The following EP400 variants were observed in gnomAD, a reference collection of about 807,000 sequenced individuals.
The protein encoded by EP400 is E1A binding protein p400.
In EP400, 105 loss-of-function variants were observed where a neutral mutation model predicts 354.1. The observed-to-expected ratio is 0.30, with a 90% CI of 0.25 to 0.35. The LOEUF is 0.35. Ranked by LOEUF, EP400 falls within the 10% of genes least tolerant of loss-of-function variation. EP400 has a pLI of 1.00. For missense variants in EP400, 3,280 were observed against 4,121.0 expected, an observed-to-expected ratio of 0.80 and a Z score of 5.59; for synonymous variants, 1,646 against 1,716.9, an observed-to-expected ratio of 0.96 and a Z score of 1.02.
At chr12:132,006,342 G>A (rs202206171) in intron 14 of EP400, 40 bp downstream of exon 14, 66 of 1,600,840 alleles carry the variant, frequency 4.1e-5, no homozygotes, top group Non-Finnish European at 5.4e-5. Flanking sequence ...GGGCCTTTGA[G>A]AGACAGAGCA....
chr12:131,961,050 G>A lies in EP400; in HGVS notation c.431G>A (p.Gly144Glu), dbSNP rs761745956. 6.3e-7 allele frequency: 1 copy of A among 1,579,046 alleles called. No individual in the cohort carries two copies. The highest frequency in any genetic ancestry group is 8.6e-7 in the Non-Finnish European group (1 of 1,162,610). ...QSPTQPSPGPGQALQNVRAGA... is the reference protein window; with the variant it reads ...QSPTQPSPGPEQALQNVRAGA... Reference sequence around the variant, plus strand: ...CCCACGCAGCCCAGTCCGGGGCCGGGGCAGGCCTTGCAGAATGTGCGTGCA... The same window carrying A: ...CCCACGCAGCCCAGTCCGGGGCCGGAGCAGGCCTTGCAGAATGTGCGTGCA... Residue 144 changes from glycine to glutamate, a missense_variant, in exon 2 of 53, where the codon GGG becomes GAG. By Grantham distance (98) the Gly-to-Glu change is moderately conservative. Around this residue, in one of 20 missense-constraint regions of EP400, gnomAD observed 172 missense variants for 242.9 expected, o/e 0.71. Transcript: ENST00000389561.
rs68030464 is a variant in EP400 at position 132,062,523 on chromosome 12, GGCAGCAGCAGCAGCAGCA to G, written c.8160_8177del (p.Gln2743_Gln2748del). On this transcript the variant is annotated inframe_deletion, in exon 47 of 53. Coordinates refer to ENST00000389561, the MANE Select transcript of EP400 (RefSeq NM_015409.5). Reference sequence around the variant, plus strand: ...ACACCTGCACATTTCCAGCTTCTCAGGCAGCAGCAGCAGCAGCAGCAACAACAGCAGCAGCAGCAGCAG... The same window carrying G: ...ACACCTGCACATTTCCAGCTTCTCAGGCAACAACAGCAGCAGCAGCAGCAG... 1 of 1,496,988 alleles carries G rather than the reference GGCAGCAGCAGCAGCAGCA, an allele frequency of 6.7e-7. No individual in the cohort carries two copies. Among genetic ancestry groups the G allele is most frequent in the Non-Finnish European group, 9.1e-7 (1 of 1,094,938 alleles). The allele number at this position is 1,496,988 out of a possible 1,614,324, so 92.7% of individuals were successfully genotyped here. A position where few individuals can be genotyped will look rare whatever the true frequency, so the allele number is the denominator to read the frequency against.
At chr12:132,021,431 C>G in intron 23 of EP400, 110 bp downstream of exon 23, 2 of 1,384,392 alleles carry the variant, frequency 1.4e-6, no homozygotes, top group South Asian at 1.5e-5. Flanking sequence ...TTGTCTTTCC[C>G]CAGCCCCATG....
At chr12:132,037,853 A>ATGGTGTTAG in intron 31 of EP400, 60 bp downstream of exon 31, 1 of 1,611,694 alleles carries the variant, frequency 6.2e-7, no homozygotes, top group African/African-American at 1.3e-5. Flanking sequence ...GTGGAATCGC[A>ATGGTGTTAG]TGGTGTTAGT....
chr12:132,033,073 G>A (rs1470485528), intron 30 of EP400, among the ~76,000 whole-genome samples: 2 of 151,980 alleles, frequency 1.3e-5, no homozygotes, highest in Non-Finnish European at 2.9e-5. Context: ...TCAGCCCCCC[G>A]AGGAGCTGAG....
rs774698483 is a variant in EP400 at position 132,027,429 on chromosome 12, A to G, written c.5015-8A>G. The G allele has an allele frequency of 3.7e-6, 6 of 1,613,818 alleles. No individual in the cohort carries two copies. Among genetic ancestry groups the G allele is most frequent in the Non-Finnish European group, 3.4e-6 (4 of 1,180,000 alleles). ...TTCCTTTTCACCTCTTCCTTTATGCATTTGTAGTTGGCGTTCCGGGCCGCG... is the reference window on the plus strand; with the variant it reads ...TTCCTTTTCACCTCTTCCTTTATGCGTTTGTAGTTGGCGTTCCGGGCCGCG... On this transcript the variant is annotated splice_polypyrimidine_tract_variant and splice_region_variant and intron_variant, in intron 25 of 52. Transcript: ENST00000389561. This position sits in a 1 kb window ranked among gnomAD's most constrained non-coding sequence, Gnocchi z 4.9.
intron 48 of EP400, chr12:132,065,242 C>A: frequency 3.2e-6 from 1 of 311,978 alleles, no homozygotes; most frequent in East Asian, 5.8e-5. Flanking sequence ...TGCATGTAAG[C>A]CGTAGGCATG....
chr12:132,069,748 G>A (rs1019693461), intron 51 of EP400, 107 bp downstream of exon 51: 1 of 1,489,994 alleles, frequency 6.7e-7, no homozygotes, highest in Non-Finnish European at 9.1e-7. Context: ...GGCTGCACTG[G>A]GTGGTGCACT....
Position 131,992,157 on chromosome 12 carries a change from CTTTCT to C in EP400, c.2680-8_2680-4del, listed in dbSNP as rs1219048276. 2 of 1,604,138 alleles carry C rather than the reference CTTTCT, an allele frequency of 1.2e-6. No individual in the cohort carries two copies. The highest frequency in any genetic ancestry group is 2.7e-5 in the African/African-American group (2 of 74,936). Reference sequence around the variant, plus strand: ...TTTGGATCTCATGCTTGTGGTTTTTCTTTCTTTTCTTTCAGGATTCAGGAATGTCT... The same window carrying C: ...TTTGGATCTCATGCTTGTGGTTTTTCTTTCTTTCAGGATTCAGGAATGTCT... On this transcript the variant is annotated splice_polypyrimidine_tract_variant and intron_variant, in intron 10 of 52. Transcript: ENST00000389561.
At chr12:132,047,834 A>C (rs1895158505) in intron 39 of EP400, among the ~76,000 whole-genome samples, 1 of 152,150 alleles carries the variant, frequency 6.6e-6, no homozygotes, top group Non-Finnish European at 1.5e-5. Context: ...GGCTTATTTC[A>C]TCCCTACAGC....
intron 2 of EP400, among the ~76,000 whole-genome samples, chr12:131,962,205 A>C (rs1019872356): frequency 2.6e-5 from 4 of 152,194 alleles, no homozygotes; most frequent in Non-Finnish European, 2.9e-5. Flanking sequence ...GTGCGTCTTC[A>C]ACACCCAGTG....
At chr12:132,074,968 G>A (rs781505110) in intron 51 of EP400, among the ~76,000 whole-genome samples, 4 of 151,948 alleles carry the variant, frequency 2.6e-5, no homozygotes, top group Admixed American at 6.6e-5. Context: ...TTGCTTCCGC[G>A]GGCACCTTCA....
At chr12:132,016,557 A>G (rs1893941554) in intron 19 of EP400, among the ~76,000 whole-genome samples, 1 of 151,954 alleles carries the variant, frequency 6.6e-6, no homozygotes, top group Non-Finnish European at 1.5e-5. Context: ...TTTTTAGTAG[A>G]GACGGGGTTT....
intron 2 of EP400, among the ~76,000 whole-genome samples, chr12:131,972,363 C>T (rs1892318484): frequency 1.3e-5 from 2 of 152,006 alleles, no homozygotes; most frequent in South Asian, 2.1e-4. Context: ...CCATGTTAGC[C>T]AGGATGGTCT....
chr12:132,054,872 G>A lies in EP400; in HGVS notation c.7729-102G>A, dbSNP rs140945673. 12 of 1,228,356 alleles carry A rather than the reference G, an allele frequency of 9.8e-6. No homozygotes were observed. The highest frequency in any genetic ancestry group is 7.5e-5 in the African/African-American group (5 of 66,852). The allele number at this position is 1,228,356 out of a possible 1,614,324, so 76.1% of individuals were successfully genotyped here. A position where few individuals can be genotyped will look rare whatever the true frequency, so the allele number is the denominator to read the frequency against. ...TGGGACAGGTGGCTGTGTGAATGTC[G>A]TGGAGTTTGGATTTGATTCTGAATG... On this transcript the variant is annotated intron_variant, in intron 43 of 52. Coordinates refer to ENST00000389561, the MANE Select transcript of EP400 (RefSeq NM_015409.5). This position sits in a 1 kb window ranked among gnomAD's most constrained non-coding sequence, Gnocchi z 4.0.
intron 31 of EP400, 53 bp downstream of exon 31, chr12:132,037,846 G>A (rs1022373240): frequency 1.9e-6 from 3 of 1,612,430 alleles, no homozygotes; most frequent in Admixed American, 1.7e-5. Flanking sequence ...GCGGCGCGTG[G>A]AATCGCATGG....
intron 2 of EP400, among the ~76,000 whole-genome samples, chr12:131,978,629 C>A (rs1361167336): frequency 6.6e-6 from 1 of 151,994 alleles, no homozygotes; most frequent in Non-Finnish European, 1.5e-5. Flanking sequence ...CTCAAGACTC[C>A]TGAGTAGCTA....
chr12:131,984,108 G>A (rs1892773509), intron 5 of EP400, among the ~76,000 whole-genome samples: 1 of 152,096 alleles, frequency 6.6e-6, no homozygotes, highest in African/African-American at 2.4e-5. Context: ...CCATGGGTTA[G>A]GCTGGTCTTG....
rs1238144847 is a variant in EP400, at chr12:132,027,731, A to G, written c.5109+200A>G. On this transcript the variant is annotated intron_variant, in intron 26 of 52. Coordinates refer to ENST00000389561, the MANE Select transcript of EP400 (RefSeq NM_015409.5). The surrounding 1 kb of genome is among the most constrained non-coding windows in gnomAD (Gnocchi z 4.9). ...GCCACAATCTTTTTTTGTATTTTTT[A>G]TGTCCTTCTGCAAGTCTTCCTGGGC... 1.3e-5 allele frequency among the ~76,000 whole-genome samples: 2 copies of G among 152,196 alleles called. No homozygotes were observed. Among genetic ancestry groups the G allele is most frequent in the Non-Finnish European group, 2.9e-5 (2 of 68,040 alleles).
Sources: allele counts gnomAD v4.1 joint callset (sites outside exome capture counted in the v4.1 genomes callset), GRCh38; gene constraint gnomAD v4.1.1; regional missense constraint gnomAD v4.1.1; non-coding constraint Gnocchi (gnomAD v3.1); transcripts MANE v1.5; gene names NCBI Gene and HGNC (gene_info 2026-07-23, HGNC 2026-07-21).